RBMX2: variants seen among roughly 807,000 people sequenced by gnomAD.
RBMX2 encodes RNA binding motif protein X-linked 2.
For missense variants in RBMX2, 191 were observed against 256.0 expected (o/e 0.75, Z 1.73); for synonymous variants, 77 against 94.3 (o/e 0.82, Z 1.07).
intron 5 of RBMX2, 122 bp from the exon 6 acceptor site, chrX:130,412,239 A>C: frequency 1.1e-6 from 1 of 933,311 alleles, no homozygotes; most frequent in Non-Finnish European, 1.4e-6. Flanking sequence ...AATGTTTTTG[A>C]ACTGTAGCAC....
At chrX:130,405,715 C>G (rs1047552882) in intron 3 of RBMX2, among the ~76,000 whole-genome samples, 3 of 110,305 alleles carry the variant, frequency 2.7e-5, no homozygotes, top group Non-Finnish European at 5.7e-5. Context: ...AAATTGCTCT[C>G]CAAAAGGTTG....
chrX:130,402,224 T>TTCCCGCCCCCC, intron 1 of RBMX2, 31 bp from the exon 2 acceptor site: 1 of 1,174,328 alleles, frequency 8.5e-7, no homozygotes, highest in Non-Finnish European at 1.1e-6. Flanking sequence ...CTTTTCTGCC[T>TTCCCGCCCCCC]ACCCTCCCCA....
Position 130,402,229 on chromosome X carries a change from TCCCCACCCC to T in RBMX2, c.6-21_6-13del. 1.4e-6 allele frequency: 1 copy of T among 722,867 alleles called. No homozygotes were observed. The highest frequency in any genetic ancestry group is 1.9e-6 in the Non-Finnish European group (1 of 522,632). 59.6% of individuals were successfully genotyped at this position (722,867 alleles called of 1,213,427 possible). On this transcript the variant is annotated splice_polypyrimidine_tract_variant and intron_variant, in intron 1 of 5. Transcript: ENST00000305536. ...TACTTGTCTGCTTTTCTGCCTACCC[TCCCCACCCC>T]CCCCGCCACCGTGAAGCCCTTTAAC...
chrX:130,412,341 T>G lies in RBMX2; in HGVS notation c.482-20T>G. The G allele has an allele frequency of 9.0e-7, 1 of 1,112,252 alleles. No individual in the cohort carries two copies. The highest frequency in any genetic ancestry group is 1.2e-6 in the Non-Finnish European group (1 of 843,946). 91.7% of individuals were successfully genotyped at this position (1,112,252 alleles called of 1,213,427 possible). ...TTTTTTCCCTTTTCTTATTTACTGC[T>G]TCTTTCTTTTATCCTCCAGACAAAA... On this transcript the variant is annotated intron_variant, in intron 5 of 5. Coordinates refer to ENST00000305536, the MANE Select transcript of RBMX2 (RefSeq NM_016024.4).
chrX:130,402,224 T>TTGC, intron 1 of RBMX2, 31 bp from the exon 2 acceptor site: 3 of 1,174,321 alleles, frequency 2.6e-6, no homozygotes, highest in African/African-American at 1.8e-5. Flanking sequence ...CTTTTCTGCC[T>TTGC]ACCCTCCCCA....
chrX:130,404,869 G>A (rs1193713932), intron 3 of RBMX2, among the ~76,000 whole-genome samples: 1 of 112,707 alleles, frequency 8.9e-6, no homozygotes. Context: ...CCAACTTCTG[G>A]ATGTTGGGAA....
rs1375106816 is a variant in RBMX2 at position 130,411,541 on chromosome X, T to A, written c.481+16T>A. The A allele has an allele frequency of 4.3e-6, 5 of 1,152,519 alleles. No individual in the cohort carries two copies. The highest frequency in any genetic ancestry group is 4.6e-6 in the Non-Finnish European group (4 of 864,858). 95.0% of individuals were successfully genotyped at this position (1,152,519 alleles called of 1,213,427 possible). ...CACAAAAAAGGTAAAGCATTAAGACTTAAGAGAAGATTCTGGGTGGTCTTA... is the reference window on the plus strand; with the variant it reads ...CACAAAAAAGGTAAAGCATTAAGACATAAGAGAAGATTCTGGGTGGTCTTA... On this transcript the variant is annotated intron_variant, in intron 5 of 5. Transcript: ENST00000305536.
chrX:130,404,841 G>A (rs938098282), intron 3 of RBMX2, among the ~76,000 whole-genome samples: 17 of 112,403 alleles, frequency 1.5e-4, no homozygotes, highest in Non-Finnish European at 2.3e-4. Context: ...GCCCTGGCAG[G>A]GACAAAGATT....
intron 1 of RBMX2, 30 bp from the exon 2 acceptor site, chrX:130,402,225 A>ACCCAGCC: frequency 1.0e-6 from 1 of 984,791 alleles, no homozygotes; most frequent in Non-Finnish European, 1.4e-6. Flanking sequence ...TTTTCTGCCT[A>ACCCAGCC]CCCTCCCCAC....
In RBMX2 at chrX:130,413,470, C is replaced by T. The variant is rs751485497; in HGVS notation, c.*622C>T. The T allele has an allele frequency of 9.0e-6, 1 of 111,282 alleles. No homozygotes were observed. Among genetic ancestry groups the T allele is most frequent in the Non-Finnish European group, 1.9e-5 (1 of 53,135 alleles). 9.2% of individuals were successfully genotyped at this position (111,282 alleles called of 1,213,427 possible). A position where few individuals can be genotyped will look rare whatever the true frequency, so the allele number is the denominator to read the frequency against. On this transcript the variant is annotated 3_prime_UTR_variant, in exon 6 of 6. Transcript: ENST00000305536. The stretch of plus-strand genomic sequence containing the variant: ...AGTGGCATTTGGTACTGAACATCCA[C>T]AGTGTTGTGTAACCATTGCCTCTGT...
At chrX:130,403,440 C>T (rs764658683) in intron 2 of RBMX2, among the ~76,000 whole-genome samples, 7 of 112,276 alleles carry the variant, frequency 6.2e-5, no homozygotes, top group South Asian at 7.4e-4. Flanking sequence ...ACGATCTCGG[C>T]GCACTACAAC....
chrX:130,409,467 A>G, intron 4 of RBMX2, 81 bp downstream of exon 4: 2 of 1,021,930 alleles, frequency 2.0e-6, no homozygotes, highest in South Asian at 5.1e-5. Flanking sequence ...TCCCGCAGAC[A>G]CAAGGGCAGC....
chrX:130,409,630 C>T (rs1446790690), intron 4 of RBMX2, among the ~76,000 whole-genome samples: 2 of 111,775 alleles, frequency 1.8e-5, no homozygotes, highest in African/African-American at 6.5e-5. Context: ...AGCATAGGCA[C>T]CAGGCCTGCC....
chrX:130,406,401 C>T (rs1011343419), intron 3 of RBMX2, among the ~76,000 whole-genome samples: 1 of 109,486 alleles, frequency 9.1e-6, no homozygotes, highest in Non-Finnish European at 1.9e-5. Context: ...GGGCCAGGCA[C>T]GGTGGCTCAC....
At chrX:130,411,580 C>G (rs2034512878) in intron 5 of RBMX2, 55 bp downstream of exon 5, 1 of 990,816 alleles carries the variant, frequency 1.0e-6, no homozygotes, top group African/African-American at 1.9e-5. Flanking sequence ...TCTGCTCTTC[C>G]TTGCATTCAC....
chrX:130,411,254 A>T, intron 4 of RBMX2, 94 bp from the exon 5 acceptor site: 2 of 851,620 alleles, frequency 2.3e-6, no homozygotes, highest in Non-Finnish European at 3.3e-6. Context: ...TAAAGGATGT[A>T]GTTCAAATCA....
chrX:130,409,140 CTTG>C, intron 3 of RBMX2, 114 bp from the exon 4 acceptor site: 1 of 578,811 alleles, frequency 1.7e-6, no homozygotes, highest in Non-Finnish European at 2.5e-6. Context: ...TCTATGTCAT[CTTG>C]TTCTAGATGC....
At position 130,405,029 on chromosome X, in the gene RBMX2, C is replaced by T. The variant is rs17268251; in HGVS notation, c.173+1176C>T. ...AATTATCTATTCTCTATTCTGGTTA[C>T]GCACGTTGCTCTCCATGAAGATTGC... is the stretch of plus-strand genomic sequence containing the variant. On this transcript the variant is annotated intron_variant, in intron 3 of 5. Coordinates refer to ENST00000305536, the MANE Select transcript of RBMX2 (RefSeq NM_016024.4). Among the ~76,000 whole-genome samples the T allele has an allele frequency of 7.0e-3, 789 of 112,229 alleles. 17 individuals carry two copies. In the South Asian group the frequency reaches 0.097, roughly 14 times the overall value.
chrX:130,412,828 A>G lies in RBMX2; in HGVS notation c.949A>G (p.Ser317Gly). Residue 317 changes from serine (S) to glycine (G), a missense_variant, in exon 6 of 6, where the codon AGT becomes GGT. Ser to Gly is a moderately conservative substitution (Grantham distance 56). Coordinates refer to ENST00000305536, the MANE Select transcript of RBMX2 (RefSeq NM_016024.4). ...CCGGGAGCGGGAGTCTTCGAATCCC[A>G]GTGACCGTTGGCGTCACTGAAGACT... is the stretch of plus-strand genomic sequence containing the variant. ...RSRERESSNPSDRWRH is the reference protein window; with the variant it reads ...RSRERESSNPGDRWRH 1.7e-6 allele frequency: 2 copies of G among 1,209,577 alleles called. No homozygotes were observed. Among genetic ancestry groups the G allele is most frequent in the East Asian group, 3.0e-5 (1 of 33,831 alleles).
Sources: allele counts gnomAD v4.1 joint callset (sites outside exome capture counted in the v4.1 genomes callset), GRCh38; gene constraint gnomAD v4.1.1; transcripts MANE v1.5; gene names NCBI Gene and HGNC (gene_info 2026-07-23, HGNC 2026-07-21).